CHRNA2: variants seen among roughly 807,000 people sequenced by gnomAD.
The protein encoded by CHRNA2 is cholinergic receptor nicotinic alpha 2 subunit, also known as neuronal acetylcholine receptor subunit alpha-2.
CHRNA2 carries 40 observed loss-of-function variants against 45.5 expected under a neutral mutation model. That is an observed-to-expected ratio of 0.88 (90% CI 0.68 to 1.15). The LOEUF (loss-of-function observed/expected upper bound fraction) is 1.15, where lower values mean the gene tolerates loss of function less well. CHRNA2 is among the 50% of genes most tolerant of loss of function. CHRNA2 has a pLI of 0.00. For missense variants in CHRNA2, 655 were observed against 701.7 expected, an observed-to-expected ratio of 0.93 and a Z score of 0.75; for synonymous variants, 301 against 296.7, an observed-to-expected ratio of 1.01 and a Z score of -0.15.
chr8:27,472,068 T>G (rs1237625548), intron 1 of CHRNA2, among the ~76,000 whole-genome samples: 2 of 152,230 alleles, frequency 1.3e-5, no homozygotes, highest in African/African-American at 4.8e-5. Context: ...AGCTTCTAAA[T>G]AGCAGAACAT....
rs781633047 is a variant in CHRNA2, at chr8:27,462,998, G to A, written c.1445C>T (p.Ser482Phe). The part of the protein sequence containing the change: ...GVHYIADHLR[S>F]EDADSSVKED... ...ACGCACCGAAGAGTCAGCATCCTCA[G>A]ACCGCAGGTGGTCGGCAATGTAGTG... Residue 482 changes from serine to phenylalanine, a missense_variant, in exon 6 of 7, where the codon TCT (serine) becomes TTT (phenylalanine). Ser to Phe is a radical substitution (Grantham distance 155). Coordinates refer to ENST00000407991, the MANE Select transcript of CHRNA2 (RefSeq NM_000742.4). 6.2e-7 allele frequency: 1 copy of A among 1,614,108 alleles called. No individual in the cohort carries two copies. Among genetic ancestry groups the A allele is most frequent in the South Asian group, 1.1e-5 (1 of 91,078 alleles).
intron 3 of CHRNA2, 132 bp from the exon 4 acceptor site, chr8:27,469,511 G>A: frequency 2.0e-6 from 2 of 1,002,208 alleles, no homozygotes; most frequent in Non-Finnish European, 3.1e-6. Flanking sequence ...CACCCACTCT[G>A]AAACCTGCCA....
intron 5 of CHRNA2, 22 bp downstream of exon 5, chr8:27,467,207 C>G (rs1487358268): frequency 6.3e-7 from 1 of 1,590,658 alleles, no homozygotes. Context: ...CTCATCCCCC[C>G]AGGACCCCAA....
rs562392008 is a variant in CHRNA2 at position 27,477,497 on chromosome 8, G to A, written c.-137+1327C>T. Among the ~76,000 whole-genome samples, 10 of 152,140 alleles carry A rather than the reference G, an allele frequency of 6.6e-5. 1 individual carries two copies. The highest frequency in any genetic ancestry group is 1.9e-4 in the East Asian group (1 of 5,180). ...TTTAGAGATCCAAGGAGAGCCACCC[G>A]GGAACCCCCAGAAGAATGTGCAAAT... On this transcript the variant is annotated intron_variant, in intron 1 of 6. Transcript: ENST00000407991.
rs552155042 is a variant in CHRNA2, at chr8:27,477,039, A to G, written c.-137+1785T>C. ...ATGTTCAGAGAAGTTGACCAAAGCC[A>G]TATAGATAAAAAGTGATAAAGCTGA... is the stretch of plus-strand genomic sequence containing the variant. On this transcript the variant is annotated intron_variant, in intron 1 of 6. Transcript: ENST00000407991. 4 of 152,204 alleles carry G rather than the reference A, an allele frequency of 2.6e-5. No homozygotes were observed. The East Asian group carries it at 7.7e-4, about 29-fold the overall frequency. 9.4% of individuals were successfully genotyped at this position (152,204 alleles called of 1,614,324 possible).
intron 2 of CHRNA2, 129 bp downstream of exon 2, chr8:27,470,857 G>C (rs1473423487): frequency 3.3e-6 from 3 of 910,130 alleles, no homozygotes; most frequent in African/African-American, 3.3e-5. Context: ...ACAGCCACCT[G>C]GCTGATGGCC....
Position 27,463,719 on chromosome 8 carries a change from T to C in CHRNA2, c.724A>G (p.Ser242Gly), listed in dbSNP as rs544814869. 1.0e-5 allele frequency: 16 copies of C among 1,578,410 alleles called. No individual in the cohort carries two copies. The Admixed American group carries it at 1.6e-4, about 16-fold the overall frequency. The change falls in exon 6 of 7, where the codon AGC becomes GGC. Residue 242 changes from serine to glycine, a missense_variant. Coordinates refer to ENST00000407991, the MANE Select transcript of CHRNA2 (RefSeq NM_000742.4). The surrounding 1 kb of genome is among the most constrained non-coding windows in gnomAD (Gnocchi z 6.1). ...TCGGCGCAGCAGTCGTACTTCTTGC[T>C]GTTGTAGGTGCCCGTGGCATTGACG... ...AIVNATGTYNSKKYDCCAEIY... is the reference protein window; with the variant it reads ...AIVNATGTYNGKKYDCCAEIY...
intron 1 of CHRNA2, among the ~76,000 whole-genome samples, chr8:27,476,675 T>A (rs1486529311): frequency 1.3e-5 from 2 of 152,196 alleles, no homozygotes; most frequent in African/African-American, 4.8e-5. Context: ...CCCTTCCCCA[T>A]TTACCTGTGG....
chr8:27,459,807 A>T lies in CHRNA2; in HGVS notation c.*1822T>A, dbSNP rs979084341. 6.6e-6 allele frequency: 1 copy of T among 152,462 alleles called. No individual in the cohort carries two copies. The highest frequency in any genetic ancestry group is 2.1e-4 in the South Asian group (1 of 4,828). The allele number at this position is 152,462 out of a possible 1,614,324, so 9.4% of individuals were successfully genotyped here. On this transcript the variant is annotated 3_prime_UTR_variant, in exon 7 of 7. Transcript: ENST00000407991. ...TTTAATCTCTTTATTCACATGCAAG[A>T]TGGATGGGAGACATGGATAACAGAA...
chr8:27,467,183 C>A (rs1812721968), intron 5 of CHRNA2, 46 bp downstream of exon 5: 1 of 1,485,426 alleles, frequency 6.7e-7, no homozygotes. Context: ...CCGGCCCCTG[C>A]AAGTTGGCCT....
At chr8:27,462,167 G>A (rs570348959) in intron 6 of CHRNA2, among the ~76,000 whole-genome samples, 2 of 152,264 alleles carry the variant, frequency 1.3e-5, no homozygotes, top group South Asian at 4.1e-4. Flanking sequence ...GAGCTGGGGA[G>A]AGGGAAACAG....
chr8:27,478,948 A>G lies in CHRNA2; in HGVS notation c.-261T>C, dbSNP rs563383615. The G allele has an allele frequency of 3.3e-5, 5 of 152,202 alleles. No homozygotes were observed. The South Asian group carries it at 1.0e-3, about 32-fold the overall frequency. The allele number at this position is 152,202 out of a possible 1,614,324, so 9.4% of individuals were successfully genotyped here. On this transcript the variant is annotated 5_prime_UTR_variant, in exon 1 of 7. It removes the in-frame stop codon of an upstream open reading frame in the 5' UTR. Coordinates refer to ENST00000407991, the MANE Select transcript of CHRNA2 (RefSeq NM_000742.4). ...GGCAGGTACAGAATAGAGCTCAGTCACTTCATTTCATGGTCAAACAGAGGC... is the reference window on the plus strand; with the variant it reads ...GGCAGGTACAGAATAGAGCTCAGTCGCTTCATTTCATGGTCAAACAGAGGC...
Position 27,461,516 on chromosome 8 carries a change from T to A in CHRNA2, c.*113A>T. The stretch of plus-strand genomic sequence containing the variant: ...GCAATCCCTGGGTCAGTGTCCAGAC[T>A]CCGCGGAGAGGCACCTGCTCATCCC... On this transcript the variant is annotated 3_prime_UTR_variant, in exon 7 of 7. Transcript: ENST00000407991. 6.9e-7 allele frequency: 1 copy of A among 1,456,144 alleles called. No homozygotes were observed. Among genetic ancestry groups the A allele is most frequent in the South Asian group, 1.2e-5 (1 of 82,756 alleles). 90.2% of individuals were successfully genotyped at this position (1,456,144 alleles called of 1,614,324 possible). A position where few individuals can be genotyped will look rare whatever the true frequency, so the allele number is the denominator to read the frequency against.
At position 27,462,455 on chromosome 8, in the gene CHRNA2, G is replaced by C. The variant is rs537213695; in HGVS notation, c.1464+524C>G. ...GTGGGGCCAATGCCATGGCAGGGGCGGGGGAGCGGAGTCCACCTGGCACAA... is the reference window on the plus strand; with the variant it reads ...GTGGGGCCAATGCCATGGCAGGGGCCGGGGAGCGGAGTCCACCTGGCACAA... On this transcript the variant is annotated intron_variant, in intron 6 of 6. Coordinates refer to ENST00000407991, the MANE Select transcript of CHRNA2 (RefSeq NM_000742.4). 2.0e-3 allele frequency among the ~76,000 whole-genome samples: 300 copies of C among 152,324 alleles called. 1 individual carries two copies. The highest frequency in any genetic ancestry group is 2.0e-3 in the Non-Finnish European group (134 of 68,024).
chr8:27,468,895 G>A (rs1291227168), intron 4 of CHRNA2, among the ~76,000 whole-genome samples: 1 of 152,170 alleles, frequency 6.6e-6, no homozygotes. Flanking sequence ...GGCAGTATAG[G>A]TATTAAGCAC....
intron 4 of CHRNA2, among the ~76,000 whole-genome samples, chr8:27,468,737 C>G (rs149276925): frequency 1.3e-4 from 20 of 152,340 alleles, no homozygotes; most frequent in African/African-American, 4.8e-4. Flanking sequence ...ACCCTCCAGA[C>G]CAGATGAACC....
intron 4 of CHRNA2, among the ~76,000 whole-genome samples, chr8:27,468,759 A>G (rs1025558125): frequency 6.6e-6 from 1 of 152,228 alleles, no homozygotes; most frequent in Admixed American, 6.5e-5. Context: ...TCACTCAAAT[A>G]TCACAAAGTA....
rs767782606 is a variant in CHRNA2, at chr8:27,463,345, C to T, written c.1098G>A (p.Val366=). ...GCACACAGCCCAGAAGGGCCCCCCG[C>T]ACCCAGTGGGGCATGGTGTGGGTGC... ...SPSTHTMPHW[V]RGALLGCVPR... Residue 366 remains valine, a synonymous_variant, in exon 6 of 7, where the codon GTG becomes GTA. Transcript: ENST00000407991. The surrounding 1 kb of genome is among the most constrained non-coding windows in gnomAD (Gnocchi z 6.1). 6.2e-6 allele frequency: 10 copies of T among 1,613,964 alleles called. No homozygotes were observed. The highest frequency in any genetic ancestry group is 3.3e-5 in the Admixed American group (2 of 60,028).
chr8:27,463,209 C>T lies in CHRNA2; in HGVS notation c.1234G>A (p.Glu412Lys), dbSNP rs141721605. Residue 412 changes from glutamate to lysine, a missense_variant, in exon 6 of 7, where the codon GAG becomes AAG. Coordinates refer to ENST00000407991, the MANE Select transcript of CHRNA2 (RefSeq NM_000742.4). The surrounding 1 kb of genome is among the most constrained non-coding windows in gnomAD (Gnocchi z 6.1). ...HWLESNVDAE[E>K]REVVVEEEDR... ...TCCTCCTCCACCACCACCTCCCTCTCCTCGGCATCCACGTTGCTCTCCAGC... is the reference window on the plus strand; with the variant it reads ...TCCTCCTCCACCACCACCTCCCTCTTCTCGGCATCCACGTTGCTCTCCAGC... 4.1e-4 allele frequency: 654 copies of T among 1,589,450 alleles called. 1 individual carries two copies. The highest frequency in any genetic ancestry group is 6.4e-4 in the South Asian group (56 of 87,394).
Sources: gnomAD v4.1 joint callset for allele counts (sites outside exome capture counted in the v4.1 genomes callset) on GRCh38, gnomAD v4.1.1 for gene constraint, Gnocchi (gnomAD v3.1) non-coding constraint, MANE v1.5 for transcripts, NCBI Gene and HGNC (gene_info 2026-07-23, HGNC 2026-07-21) for gene names.